Variants in SORCS3 observed in about 807,000 individuals in gnomAD.
SORCS3 encodes sortilin related VPS10 domain containing receptor 3, also known as VPS10 domain-containing receptor SorCS3.
A neutral mutation model predicts 146.3 loss-of-function variants in SORCS3; 57 were observed. The ratio of observed to expected loss-of-function variants is 0.39; its 90% CI spans 0.31 to 0.49. The LOEUF (loss-of-function observed/expected upper bound fraction) is 0.49, where lower values mean the gene tolerates loss of function less well. Among genes scored for constraint, SORCS3 ranks in the 20% least tolerant of loss-of-function variants. The probability of loss-of-function intolerance (pLI) is 0.92; values close to 1 mark genes in which losing one functional copy is unlikely to be tolerated. For synonymous variants in SORCS3, 653 were observed against 618.5 expected, an observed-to-expected ratio of 1.06 and a Z score of -0.83; for missense variants, 1,341 against 1,575.5, an observed-to-expected ratio of 0.85 and a Z score of 2.52.
chr10:105,081,943 A>T (rs2055628990), intron 5 of SORCS3, among the ~76,000 whole-genome samples: 1 of 152,198 alleles, frequency 6.6e-6, no homozygotes, highest in Non-Finnish European at 1.5e-5. Flanking sequence ...AGGCCATAAG[A>T]CAGTTTGTCT....
chr10:105,108,661 G>A (rs1470802259), intron 7 of SORCS3, among the ~76,000 whole-genome samples: 2 of 152,100 alleles, frequency 1.3e-5, no homozygotes, highest in Admixed American at 6.6e-5. Flanking sequence ...AATGATGTGG[G>A]AACCAATGGA....
chr10:104,896,381 A>C (rs1166960689), intron 2 of SORCS3, among the ~76,000 whole-genome samples: 2 of 152,260 alleles, frequency 1.3e-5, no homozygotes, highest in Non-Finnish European at 2.9e-5. Context: ...AGCTACAGCG[A>C]ATCAGCTGGG....
intron 6 of SORCS3, among the ~76,000 whole-genome samples, chr10:105,093,887 C>T (rs60733947): frequency 0.11 from 16,238 of 152,064 alleles, 979 homozygotes; most frequent in East Asian, 0.17. Flanking sequence ...GCTATATATT[C>T]AGCCTAGAAA....
chr10:104,874,339 T>C (rs1201343459), intron 2 of SORCS3, among the ~76,000 whole-genome samples: 1 of 152,180 alleles, frequency 6.6e-6, no homozygotes, highest in Non-Finnish European at 1.5e-5. Flanking sequence ...TCCTTTGCTA[T>C]CTTGTCTCTA....
intron 1 of SORCS3, among the ~76,000 whole-genome samples, chr10:104,677,857 A>G (rs2015928904): frequency 6.6e-6 from 1 of 150,414 alleles, no homozygotes; most frequent in African/African-American, 2.4e-5. Context: ...ATAGGGGGTG[A>G]AGAGAGAGAG....
Position 105,159,273 on chromosome 10 carries a change from C to T in SORCS3, c.1732+279C>T, listed in dbSNP as rs148770205. On this transcript the variant is annotated intron_variant, in intron 11 of 26. Coordinates refer to ENST00000369701, the MANE Select transcript of SORCS3 (RefSeq NM_014978.3). ...TTTCTCTCAAAGTAAACTGACCAATCAGAATGGTTGTTTGTAATAGGGAAT... is the reference window on the plus strand; with the variant it reads ...TTTCTCTCAAAGTAAACTGACCAATTAGAATGGTTGTTTGTAATAGGGAAT... Among the ~76,000 whole-genome samples, 1,010 of 152,280 alleles carry T rather than the reference C, an allele frequency of 6.6e-3. 10 individuals are homozygous for T. The highest frequency in any genetic ancestry group is 0.031 in the Middle Eastern group (9 of 294).
chr10:104,989,033 T>A (rs1266666648), intron 4 of SORCS3, among the ~76,000 whole-genome samples: 2 of 152,230 alleles, frequency 1.3e-5, no homozygotes, highest in South Asian at 4.1e-4. Flanking sequence ...ACAAACTGAA[T>A]GAAGTGTGGA....
In SORCS3 at chr10:105,147,623, C is replaced by T. The variant is rs756278463; in HGVS notation, c.1309C>T (p.His437Tyr). 1.2e-6 allele frequency: 2 copies of T among 1,608,552 alleles called. No individual in the cohort carries two copies. The highest frequency in any genetic ancestry group is 8.5e-7 in the Non-Finnish European group (1 of 1,176,944). Residue 437 changes from histidine to tyrosine, a missense_variant, in exon 9 of 27, where the codon CAC becomes TAC. Coordinates refer to ENST00000369701, the MANE Select transcript of SORCS3 (RefSeq NM_014978.3). ...LPKYSLPKDM[H>Y]IISTDENQVF... Reference sequence around the variant, plus strand: ...GCCTTCCATCTTCTTTCAGGACATGCACATCATCAGTACAGACGAGAACCA... The same window carrying T: ...GCCTTCCATCTTCTTTCAGGACATGTACATCATCAGTACAGACGAGAACCA...
intron 4 of SORCS3, among the ~76,000 whole-genome samples, chr10:105,017,081 T>G (rs923510810): frequency 5.3e-5 from 8 of 152,170 alleles, no homozygotes; most frequent in Non-Finnish European, 8.8e-5. Context: ...TATTCTCCCA[T>G]GCTAGTAATA....
At chr10:105,015,773 A>G (rs2055161765) in intron 4 of SORCS3, among the ~76,000 whole-genome samples, 1 of 152,038 alleles carries the variant, frequency 6.6e-6, no homozygotes, top group African/African-American at 2.4e-5. Context: ...TCTGTCACCC[A>G]GGCTGGCGTG....
intron 20 of SORCS3, among the ~76,000 whole-genome samples, chr10:105,230,087 T>C (rs1589699392): frequency 6.6e-6 from 1 of 152,042 alleles, no homozygotes; most frequent in African/African-American, 2.4e-5. Context: ...AACCTGGTGG[T>C]AGTGGCAGGG....
Position 104,926,852 on chromosome 10 carries a change from GTTTTTTCT to G in SORCS3, c.795+10924_795+10931del, listed in dbSNP as rs149966103. Among the ~76,000 whole-genome samples, 1,367 of 152,252 alleles carry G rather than the reference GTTTTTTCT, an allele frequency of 9.0e-3. 18 individuals carry two copies. The highest frequency in any genetic ancestry group is 0.03 in the African/African-American group (1,259 of 41,540). ...TAAAGGCTCATTAAAATGATTACTA[GTTTTTTCT>G]TTTGCATTTTATTTGAAAATGGGAA... On this transcript the variant is annotated intron_variant, in intron 3 of 26. Coordinates refer to ENST00000369701, the MANE Select transcript of SORCS3 (RefSeq NM_014978.3).
At chr10:105,257,583 TCTA>T (rs1201113270) in intron 25 of SORCS3, among the ~76,000 whole-genome samples, 4 of 152,208 alleles carry the variant, frequency 2.6e-5, no homozygotes, top group African/African-American at 7.2e-5. Flanking sequence ...AATTATAACT[TCTA>T]CTAGGATGTA....
At chr10:105,247,482 G>C (rs945463234) in intron 22 of SORCS3, 151 bp downstream of exon 22, 2 of 510,634 alleles carry the variant, frequency 3.9e-6, no homozygotes, top group Non-Finnish European at 6.9e-6. Flanking sequence ...GGGTGCAGTC[G>C]CTCACACCTG....
intron 1 of SORCS3, among the ~76,000 whole-genome samples, chr10:104,790,390 G>C (rs2017483098): frequency 6.6e-6 from 1 of 152,200 alleles, no homozygotes; most frequent in Admixed American, 6.5e-5. Context: ...AAAAAGTGTA[G>C]AGATCCTTTT....
chr10:104,720,279 A>G (rs1416395470), intron 1 of SORCS3, among the ~76,000 whole-genome samples: 4 of 152,160 alleles, frequency 2.6e-5, no homozygotes, highest in African/African-American at 7.2e-5. Context: ...TTCCAGCTTC[A>G]TTCATGTCCC....
At chr10:104,691,089 GC>G (rs1232656746) in intron 1 of SORCS3, among the ~76,000 whole-genome samples, 1 of 152,198 alleles carries the variant, frequency 6.6e-6, no homozygotes, top group Non-Finnish European at 1.5e-5. Context: ...CAGTGCTGTT[GC>G]CCTCCTGACA....
At chr10:104,972,032 G>T (rs545116268) in intron 3 of SORCS3, among the ~76,000 whole-genome samples, 12 of 152,274 alleles carry the variant, frequency 7.9e-5, no homozygotes, top group African/African-American at 2.6e-4. Flanking sequence ...AAGTCAGATT[G>T]CACTGGCTGG....
At chr10:104,688,319 G>A (rs531125164) in intron 1 of SORCS3, among the ~76,000 whole-genome samples, 5 of 152,328 alleles carry the variant, frequency 3.3e-5, no homozygotes, top group East Asian at 3.9e-4. Context: ...GGGACGATTC[G>A]GGTGAAGGGA....
Sources: gnomAD v4.1 joint callset for allele counts (sites outside exome capture counted in the v4.1 genomes callset) on GRCh38, gnomAD v4.1.1 for gene constraint, MANE v1.5 for transcripts, NCBI Gene and HGNC (gene_info 2026-07-23, HGNC 2026-07-21) for gene names.